The following KIRREL3 variants were observed in gnomAD, a reference collection of about 807,000 sequenced individuals.
The protein encoded by KIRREL3 is kirre like nephrin family adhesion molecule 3.
KIRREL3 carries 36 observed loss-of-function variants against 89.7 expected under a neutral mutation model. That is an observed-to-expected ratio of 0.40 (90% CI 0.31 to 0.53). KIRREL3 has a LOEUF of 0.53. Ranked by LOEUF, KIRREL3 falls within the 20% of genes least tolerant of loss-of-function variation. The probability of loss-of-function intolerance (pLI) is 0.49; values close to 1 mark genes in which losing one functional copy is unlikely to be tolerated. For missense variants in KIRREL3, 864 were observed against 1,056.6 expected (o/e 0.82, Z 2.53); for synonymous variants, 445 against 441.4 (o/e 1.01, Z -0.10).
intron 1 of KIRREL3, among the ~76,000 whole-genome samples, chr11:126,818,618 AGTAGTAGTGTGT>A (rs1408655098): frequency 7.0e-4 from 51 of 73,014 alleles, no homozygotes; most frequent in East Asian, 1.6e-3. Flanking sequence ...TAGTAGTAGT[AGTAGTAGTGTGT>A]GTGTGTGTGT....
intron 1 of KIRREL3, among the ~76,000 whole-genome samples, chr11:126,939,055 C>G (rs760514995): frequency 6.6e-6 from 1 of 152,136 alleles, no homozygotes; most frequent in African/African-American, 2.4e-5. Flanking sequence ...ACACATAGTA[C>G]GGACCCGCAG....
chr11:126,743,174 CA>C (rs901006680), intron 1 of KIRREL3, among the ~76,000 whole-genome samples: 7 of 151,744 alleles, frequency 4.6e-5, no homozygotes, highest in South Asian at 2.1e-4. Context: ...AACAAACAAA[CA>C]AAAAAAACAG....
chr11:126,534,257 T>TG, intron 2 of KIRREL3, among the ~76,000 whole-genome samples: 1 of 8,262 alleles, frequency 1.2e-4, no homozygotes, highest in Non-Finnish European at 2.4e-4. Context: ...AGGGGGCTAC[T>TG]GGGGTGGAAG....
chr11:126,950,400 A>G (rs1948744981), intron 1 of KIRREL3, among the ~76,000 whole-genome samples: 1 of 152,048 alleles, frequency 6.6e-6, no homozygotes, highest in African/African-American at 2.4e-5. Flanking sequence ...CAAACAAACA[A>G]AACCAAAAAA....
intron 1 of KIRREL3, among the ~76,000 whole-genome samples, chr11:126,895,450 T>TA (rs36085945): frequency 0.018 from 1,968 of 108,070 alleles, 38 homozygotes; most frequent in African/African-American, 0.043. Context: ...CACTGTCTCT[T>TA]AAAAAAAAAA....
At position 126,609,481 on chromosome 11, in the gene KIRREL3, T is replaced by G. The variant is rs547243118; in HGVS notation, c.56-46569A>C. 3.3e-5 allele frequency among the ~76,000 whole-genome samples: 5 copies of G among 152,264 alleles called. No homozygotes were observed. The East Asian group carries it at 9.7e-4, about 29-fold the overall frequency. ...CTTTGCAGCCTACCTGAAGTGAATG[T>G]GAGGCCGAGAGGCTTCGTGAAAGGT... is the stretch of plus-strand genomic sequence containing the variant. On this transcript the variant is annotated intron_variant, in intron 1 of 16. Transcript: ENST00000525144. This position sits in a 1 kb window ranked among gnomAD's most constrained non-coding sequence, Gnocchi z 5.0.
chr11:126,984,014 G>A (rs1944632), intron 1 of KIRREL3, among the ~76,000 whole-genome samples: 29,885 of 151,994 alleles, frequency 0.2, 3,413 homozygotes, highest in East Asian at 0.54. Flanking sequence ...TATGGTATTA[G>A]AGGTTAATTC....
At position 126,641,777 on chromosome 11, in the gene KIRREL3, A is replaced by G. The variant is rs1208856926; in HGVS notation, c.56-78865T>C. On this transcript the variant is annotated intron_variant, in intron 1 of 16. Transcript: ENST00000525144. This position sits in a 1 kb window ranked among gnomAD's most constrained non-coding sequence, Gnocchi z 5.0. ...ATGCTATGTAAATACACCATTATAT[A>G]TGAATTTATAGCATATGTGAGAACT... 1.3e-5 allele frequency among the ~76,000 whole-genome samples: 2 copies of G among 152,284 alleles called. No homozygotes were observed. The highest frequency in any genetic ancestry group is 3.9e-4 in the East Asian group (2 of 5,178).
chr11:126,864,552 T>C (rs1944857290), intron 1 of KIRREL3, among the ~76,000 whole-genome samples: 1 of 152,220 alleles, frequency 6.6e-6, no homozygotes, highest in African/African-American at 2.4e-5. Flanking sequence ...ACTTGGGCTA[T>C]GTGTCTGAAC....
rs1453241484 is a variant in KIRREL3, at chr11:126,684,687, T to C, written c.56-121775A>G. Among the ~76,000 whole-genome samples the C allele has an allele frequency of 1.3e-5, 2 of 152,268 alleles. No homozygotes were observed. The highest frequency in any genetic ancestry group is 4.1e-4 in the South Asian group (2 of 4,838). ...GCACTTGCTGAGAAGGCATTTATGA[T>C]GCCAGTGTGACTTATAGTTATCCTG... On this transcript the variant is annotated intron_variant, in intron 1 of 16. Transcript: ENST00000525144. This position sits in a 1 kb window ranked among gnomAD's most constrained non-coding sequence, Gnocchi z 4.2.
rs1368857099 is a variant in KIRREL3, at chr11:126,736,592, A to T, written c.56-173680T>A. 6.6e-6 allele frequency among the ~76,000 whole-genome samples: 1 copy of T among 152,076 alleles called. No homozygotes were observed. Among genetic ancestry groups the T allele is most frequent in the Non-Finnish European group, 1.5e-5 (1 of 68,002 alleles). On this transcript the variant is annotated intron_variant, in intron 1 of 16. Coordinates refer to ENST00000525144, the MANE Select transcript of KIRREL3 (RefSeq NM_032531.4). The surrounding 1 kb of genome is among the most constrained non-coding windows in gnomAD (Gnocchi z 5.0). The stretch of plus-strand genomic sequence containing the variant: ...TTCGGTTGTTACAACTAAGTGGGGG[A>T]GTAGGGGTACCTGCTCCTGGCCTCC...
chr11:126,518,029 T>C (rs1476413340), intron 4 of KIRREL3, among the ~76,000 whole-genome samples: 1 of 152,246 alleles, frequency 6.6e-6, no homozygotes, highest in Non-Finnish European at 1.5e-5. Context: ...TGACCACTGA[T>C]TGACCTGACC....
At chr11:126,511,740 G>A (rs1055599415) in intron 4 of KIRREL3, among the ~76,000 whole-genome samples, 19 of 152,222 alleles carry the variant, frequency 1.2e-4, no homozygotes, top group African/African-American at 4.6e-4. Context: ...CACCCCACTG[G>A]CTGCCGGGGG....
In KIRREL3 at chr11:126,985,482, T is replaced by G. The variant is rs1043709472; in HGVS notation, c.55+14973A>C. Among the ~76,000 whole-genome samples, 25 of 151,990 alleles carry G rather than the reference T, an allele frequency of 1.6e-4. No homozygotes were observed. The highest frequency in any genetic ancestry group is 5.8e-4 in the African/African-American group (24 of 41,366). ...GCTGTGGAATAAGGAAGGAAGGGCA[T>G]TTAAATTAGATTGTGGGGAGAGAGG... On this transcript the variant is annotated intron_variant, in intron 1 of 16. Coordinates refer to ENST00000525144, the MANE Select transcript of KIRREL3 (RefSeq NM_032531.4). This position sits in a 1 kb window ranked among gnomAD's most constrained non-coding sequence, Gnocchi z 5.3.
At position 126,569,299 on chromosome 11, in the gene KIRREL3, G is replaced by A. The variant is rs1484054764; in HGVS notation, c.56-6387C>T. 2.0e-5 allele frequency among the ~76,000 whole-genome samples: 3 copies of A among 152,214 alleles called. No homozygotes were observed. Among genetic ancestry groups the A allele is most frequent in the Admixed American group, 1.3e-4 (2 of 15,280 alleles). On this transcript the variant is annotated intron_variant, in intron 1 of 16. Coordinates refer to ENST00000525144, the MANE Select transcript of KIRREL3 (RefSeq NM_032531.4). The surrounding 1 kb of genome is among the most constrained non-coding windows in gnomAD (Gnocchi z 6.5). ...AGGACTTGGATGATCATGTGAGAAG[G>A]AGTTCTAGGCTGAAGAAATATTTTT... is the stretch of plus-strand genomic sequence containing the variant.
At chr11:126,857,636 A>G (rs1381072128) in intron 1 of KIRREL3, among the ~76,000 whole-genome samples, 3 of 152,026 alleles carry the variant, frequency 2.0e-5, no homozygotes, top group Admixed American at 6.5e-5. Flanking sequence ...CTTCATGGTC[A>G]TATGTCTTAA....
At position 126,761,583 on chromosome 11, in the gene KIRREL3, C is replaced by A. The variant is rs1269117740; in HGVS notation, c.56-198671G>T. Among the ~76,000 whole-genome samples the A allele has an allele frequency of 2.0e-5, 3 of 152,202 alleles. No homozygotes were observed. The highest frequency in any genetic ancestry group is 7.2e-5 in the African/African-American group (3 of 41,442). ...GAGGATTTGGAAGCTAAATGCATGC[C>A]TAACTCAAAGGACAGATTATATGGT... On this transcript the variant is annotated intron_variant, in intron 1 of 16. Transcript: ENST00000525144. This position sits in a 1 kb window ranked among gnomAD's most constrained non-coding sequence, Gnocchi z 4.4.
chr11:126,846,160 T>C (rs1230325301), intron 1 of KIRREL3, among the ~76,000 whole-genome samples: 1 of 152,238 alleles, frequency 6.6e-6, no homozygotes, highest in Non-Finnish European at 1.5e-5. Flanking sequence ...GGGAATGGGC[T>C]GATTCCCTTT....
chr11:126,989,755 G>A lies in KIRREL3; in HGVS notation c.55+10700C>T, dbSNP rs375267585. On this transcript the variant is annotated intron_variant, in intron 1 of 16. Coordinates refer to ENST00000525144, the MANE Select transcript of KIRREL3 (RefSeq NM_032531.4). This position sits in a 1 kb window ranked among gnomAD's most constrained non-coding sequence, Gnocchi z 6.2. ...GTCTTAGGGCCAACAGGGTTCCCCC[G>A]GTGTCTCTCCTGCAGCATGAAGGCC... Among the ~76,000 whole-genome samples, 3 of 152,202 alleles carry A rather than the reference G, an allele frequency of 2.0e-5. No individual in the cohort carries two copies. Among genetic ancestry groups the A allele is most frequent in the South Asian group, 4.1e-4 (2 of 4,830 alleles).
Sources: allele counts gnomAD v4.1 joint callset (sites outside exome capture counted in the v4.1 genomes callset), GRCh38; gene constraint gnomAD v4.1.1; non-coding constraint Gnocchi (gnomAD v3.1); transcripts MANE v1.5; gene names NCBI Gene and HGNC (gene_info 2026-07-23, HGNC 2026-07-21).